UHRF2: variants seen among roughly 807,000 people sequenced by gnomAD.
UHRF2 encodes the protein E3 ubiquitin-protein ligase UHRF2.
UHRF2 carries 23 observed loss-of-function variants against 96.8 expected under a neutral mutation model. The ratio of observed to expected loss-of-function variants is 0.24; its 90% CI spans 0.17 to 0.34. The LOEUF (loss-of-function observed/expected upper bound fraction) is 0.34, where lower values mean the gene tolerates loss of function less well. UHRF2 is among the 10% of genes least tolerant of loss of function. The pLI is 1.00. For missense variants in UHRF2, 685 were observed against 981.5 expected, an observed-to-expected ratio of 0.70 and a Z score of 4.04; for synonymous variants, 385 against 332.6, an observed-to-expected ratio of 1.16 and a Z score of -1.72.
intron 3 of UHRF2, among the ~76,000 whole-genome samples, chr9:6,452,207 A>G (rs1001206058): frequency 1.2e-4 from 18 of 152,038 alleles, no homozygotes; most frequent in African/African-American, 2.4e-5. Context: ...TCTGTTATGG[A>G]CGTTTGATTG....
At chr9:6,435,100 T>C (rs1820764838) in intron 3 of UHRF2, among the ~76,000 whole-genome samples, 1 of 151,892 alleles carries the variant, frequency 6.6e-6, no homozygotes, top group African/African-American at 2.4e-5. Flanking sequence ...TTCAAGCTAG[T>C]CTCCTGCCTC....
At position 6,441,101 on chromosome 9, in the gene UHRF2, C is replaced by A. The variant is rs1821136690; in HGVS notation, c.644+6928C>A. 1.3e-5 allele frequency among the ~76,000 whole-genome samples: 2 copies of A among 152,126 alleles called. 1 individual carries two copies. The highest frequency in any genetic ancestry group is 1.3e-4 in the Admixed American group (2 of 15,258). On this transcript the variant is annotated intron_variant, in intron 3 of 15. Coordinates refer to ENST00000276893, the MANE Select transcript of UHRF2 (RefSeq NM_152896.3). Reference sequence around the variant, plus strand: ...CGTGTTAGAAATGCAAATTCTTGGCCTGTGCAGTGGCTCATACCTGTAAAC... The same window carrying A: ...CGTGTTAGAAATGCAAATTCTTGGCATGTGCAGTGGCTCATACCTGTAAAC...
At chr9:6,442,595 C>T (rs1197812829) in intron 3 of UHRF2, among the ~76,000 whole-genome samples, 1 of 152,020 alleles carries the variant, frequency 6.6e-6, no homozygotes, top group African/African-American at 2.4e-5. Flanking sequence ...CCTCCTGCCT[C>T]CGCCTCTCAT....
chr9:6,483,503 A>T (rs1256517594), intron 8 of UHRF2, among the ~76,000 whole-genome samples: 1 of 152,158 alleles, frequency 6.6e-6, no homozygotes, highest in Non-Finnish European at 1.5e-5. Flanking sequence ...GACAAGAAAA[A>T]GTCTGGACAG....
chr9:6,499,319 A>T (rs1327825865), intron 12 of UHRF2: 1 of 143,366 alleles, frequency 7.0e-6, no homozygotes, highest in Admixed American at 7.9e-5. Context: ...CTTCAAATCT[A>T]ACTCTTAGCT....
chr9:6,478,422 T>G (rs1320042089), intron 6 of UHRF2, among the ~76,000 whole-genome samples: 1 of 152,220 alleles, frequency 6.6e-6, no homozygotes, highest in Non-Finnish European at 1.5e-5. Flanking sequence ...TACTTAATAT[T>G]TACTAAACAC....
In UHRF2 at chr9:6,506,696, AT is replaced by A. The variant is rs369521468; in HGVS notation, c.*525del. 5.2e-3 allele frequency: 793 copies of A among 152,642 alleles called. 8 individuals carry two copies. The highest frequency in any genetic ancestry group is 0.017 in the African/African-American group (711 of 41,486). The allele number at this position is 152,642 out of a possible 1,614,324, so 9.5% of individuals were successfully genotyped here. ...ATGTGTGTTTTGCAAGGACAGGTTC[AT>A]TTTTTTTAGCCCACTTTGTGAACTC... is the stretch of plus-strand genomic sequence containing the variant. On this transcript the variant is annotated 3_prime_UTR_variant, in exon 16 of 16. Transcript: ENST00000276893.
At chr9:6,432,091 A>G (rs1820588181) in intron 2 of UHRF2, among the ~76,000 whole-genome samples, 1 of 152,182 alleles carries the variant, frequency 6.6e-6, no homozygotes, top group Non-Finnish European at 1.5e-5. Context: ...AAATGAGCCT[A>G]TGTTTATTTA....
At chr9:6,445,998 T>TCTTTTTTTTTC (rs1821472871) in intron 3 of UHRF2, among the ~76,000 whole-genome samples, 1 of 129,870 alleles carries the variant, frequency 7.7e-6, no homozygotes. Flanking sequence ...TTTTTTTTTT[T>TCTTTTTTTTTC]TTCCTGTTTT....
chr9:6,476,378 G>T (rs550254169), intron 5 of UHRF2, among the ~76,000 whole-genome samples: 23 of 152,236 alleles, frequency 1.5e-4, no homozygotes, highest in African/African-American at 5.3e-4. Context: ...TTAATAATGA[G>T]ATTTATTTTT....
chr9:6,483,038 A>G (rs1824016970), intron 8 of UHRF2, among the ~76,000 whole-genome samples: 1 of 151,982 alleles, frequency 6.6e-6, no homozygotes. Context: ...AATTGCACAC[A>G]AGCTCAGGCT....
chr9:6,489,447 G>A (rs1305640998), intron 9 of UHRF2, among the ~76,000 whole-genome samples: 2 of 152,184 alleles, frequency 1.3e-5, no homozygotes, highest in African/African-American at 4.8e-5. Flanking sequence ...CAATTCCTGG[G>A]TCATATGTGG....
intron 4 of UHRF2, among the ~76,000 whole-genome samples, chr9:6,471,906 G>A (rs577148033): frequency 2.0e-5 from 3 of 152,284 alleles, no homozygotes; most frequent in African/African-American, 4.8e-5. Flanking sequence ...AAAGGAGTCC[G>A]GTTAGAAATA....
intron 9 of UHRF2, among the ~76,000 whole-genome samples, chr9:6,487,811 CT>C (rs1227857772): frequency 1.3e-5 from 2 of 152,154 alleles, no homozygotes; most frequent in African/African-American, 2.4e-5. Flanking sequence ...CTCTATAGAG[CT>C]TTTTTTGGTC....
At chr9:6,434,310 T>C (rs1196505592) in intron 3 of UHRF2, 137 bp downstream of exon 3, 1 of 1,122,638 alleles carries the variant, frequency 8.9e-7, no homozygotes, top group African/African-American at 1.6e-5. Context: ...TTTTTGGTTT[T>C]GGTGGTTGTA....
chr9:6,452,893 G>A (rs1420803693), intron 3 of UHRF2, among the ~76,000 whole-genome samples: 1 of 152,188 alleles, frequency 6.6e-6, no homozygotes, highest in Non-Finnish European at 1.5e-5. Context: ...TAAAATATGT[G>A]TAGCTGAAGA....
intron 9 of UHRF2, among the ~76,000 whole-genome samples, chr9:6,490,028 A>G (rs1233483791): frequency 6.6e-6 from 1 of 152,208 alleles, no homozygotes; most frequent in Non-Finnish European, 1.5e-5. Context: ...AATACAAAAG[A>G]TGTTATATAG....
chr9:6,486,899 C>T lies in UHRF2; in HGVS notation c.1471C>T (p.Leu491=). The T allele has an allele frequency of 6.2e-7, 1 of 1,614,114 alleles. No individual in the cohort carries two copies. Among genetic ancestry groups the T allele is most frequent in the Non-Finnish European group, 8.5e-7 (1 of 1,179,986 alleles). ...RSNDGAYSLV[L]AGGFADEVDR... is the part of the protein sequence containing the mutation. Reference sequence around the variant, plus strand: ...TAATGATGGGGCTTATTCTCTTGTACTGGCTGGTGGATTTGCGGATGAAGT... The same window carrying T: ...TAATGATGGGGCTTATTCTCTTGTATTGGCTGGTGGATTTGCGGATGAAGT... The change falls in exon 9 of 16, where the codon CTG becomes TTG. Residue 491 remains leucine, a synonymous_variant. Coordinates refer to ENST00000276893, the MANE Select transcript of UHRF2 (RefSeq NM_152896.3).
At chr9:6,451,711 T>G (rs1053299749) in intron 3 of UHRF2, among the ~76,000 whole-genome samples, 5 of 152,162 alleles carry the variant, frequency 3.3e-5, no homozygotes, top group Admixed American at 6.5e-5. Context: ...GACCTCGTGA[T>G]CCGCCTTTCT....
Sources: gnomAD v4.1 joint callset for allele counts (sites outside exome capture counted in the v4.1 genomes callset) on GRCh38, gnomAD v4.1.1 for gene constraint, MANE v1.5 for transcripts, NCBI Gene and HGNC (gene_info 2026-07-23, HGNC 2026-07-21) for gene names.